RPS6KA2: variants seen among roughly 807,000 people sequenced by gnomAD.
The protein encoded by RPS6KA2 is ribosomal protein S6 kinase alpha-2.
A neutral mutation model predicts 91.8 loss-of-function variants in RPS6KA2; 42 were observed. That is an observed-to-expected ratio of 0.46 (90% CI 0.36 to 0.59). The LOEUF (loss-of-function observed/expected upper bound fraction) is 0.59. Among genes scored for constraint, RPS6KA2 ranks in the 20% least tolerant of loss-of-function variants. The probability of loss-of-function intolerance (pLI) is 0.00; values close to 1 mark genes in which losing one functional copy is unlikely to be tolerated. For synonymous variants in RPS6KA2, 414 were observed against 393.6 expected, an observed-to-expected ratio of 1.05 and a Z score of -0.61; for missense variants, 798 against 978.5, an observed-to-expected ratio of 0.82 and a Z score of 2.46.
chr6:166,652,072 AGATAT>A (rs1227482155), intron 2 of RPS6KA2, among the ~76,000 whole-genome samples: 1 of 152,264 alleles, frequency 6.6e-6, no homozygotes, highest in East Asian at 1.9e-4. Context: ...ATGTTAAAAT[AGATAT>A]GATGAGAATA....
chr6:166,663,957 C>T (rs1267326196), intron 2 of RPS6KA2, among the ~76,000 whole-genome samples: 1 of 152,222 alleles, frequency 6.6e-6, no homozygotes, highest in African/African-American at 2.4e-5. Context: ...CTTGAGATGT[C>T]TCTGTTTTAT....
intron 3 of RPS6KA2, among the ~76,000 whole-genome samples, chr6:166,519,946 G>A (rs1782792711): frequency 6.6e-6 from 1 of 152,168 alleles, no homozygotes; most frequent in Admixed American, 6.5e-5. Context: ...GGGTGTGTGT[G>A]TGAGGGCGTT....
chr6:166,586,202 C>T lies in RPS6KA2; in HGVS notation c.99+40719G>A, dbSNP rs1334920731. On this transcript the variant is annotated intron_variant, in intron 1 of 20. Coordinates refer to ENST00000265678, the MANE Select transcript of RPS6KA2 (RefSeq NM_021135.6). The stretch of plus-strand genomic sequence containing the variant: ...GATAGTAAGGTTCTTGTCTGTGTTG[C>T]GGGTAGTTGTTACCCCAGGATCGTC... 512 of 1,586,656 alleles carry T rather than the reference C, an allele frequency of 3.2e-4. 3 individuals carry two copies. The highest frequency in any genetic ancestry group is 4.1e-4 in the Non-Finnish European group (485 of 1,177,490).
chr6:166,506,385 C>T (rs1782226785), intron 5 of RPS6KA2, among the ~76,000 whole-genome samples: 1 of 152,174 alleles, frequency 6.6e-6, no homozygotes, highest in Admixed American at 6.5e-5. Context: ...ATAGCAGCTG[C>T]TGGACAAAAC....
intron 2 of RPS6KA2, among the ~76,000 whole-genome samples, chr6:166,856,853 T>C (rs1056575323): frequency 3.3e-5 from 5 of 152,186 alleles, no homozygotes; most frequent in Non-Finnish European, 7.3e-5. Context: ...CTGCCTACCT[T>C]TTGATCATCA....
intron 10 of RPS6KA2, among the ~76,000 whole-genome samples, chr6:166,478,924 G>A (rs1781083149): frequency 6.6e-6 from 1 of 152,218 alleles, no homozygotes; most frequent in African/African-American, 2.4e-5. Flanking sequence ...AGCACAGAGA[G>A]GTGAAGCCAT....
intron 2 of RPS6KA2, among the ~76,000 whole-genome samples, chr6:166,656,963 G>C (rs952562500): frequency 1.3e-5 from 2 of 152,244 alleles, no homozygotes; most frequent in Non-Finnish European, 2.9e-5. Flanking sequence ...CTCTGTCCTT[G>C]GGGCCCCAAG....
Position 166,748,393 on chromosome 6 carries a change from G to A in RPS6KA2, c.123+109807C>T, listed in dbSNP as rs968943809. Among the ~76,000 whole-genome samples the A allele has an allele frequency of 1.4e-4, 22 of 152,236 alleles. No homozygotes were observed. In the East Asian group the frequency reaches 3.3e-3, roughly 23 times the overall value. On this transcript the variant is annotated intron_variant, in intron 2 of 21. Coordinates refer to the RPS6KA2 transcript ENST00000503859. ...GTCTTCCACCGGCAGAAACTCCACC[G>A]AGTGCCTCAGCGAAATGACTCCATC...
At chr6:166,580,959 T>C (rs886624308) in intron 1 of RPS6KA2, among the ~76,000 whole-genome samples, 1 of 152,218 alleles carries the variant, frequency 6.6e-6, no homozygotes, top group Non-Finnish European at 1.5e-5. Context: ...TGGAATGCAG[T>C]GGCGCAATCT....
intron 2 of RPS6KA2, among the ~76,000 whole-genome samples, chr6:166,813,731 G>A (rs551931385): frequency 1.3e-5 from 2 of 152,330 alleles, no homozygotes; most frequent in East Asian, 3.9e-4. Flanking sequence ...GTCCGTATCT[G>A]TGTCTCTTCT....
At chr6:166,523,248 G>A (rs907375760) in intron 3 of RPS6KA2, among the ~76,000 whole-genome samples, 5 of 152,196 alleles carry the variant, frequency 3.3e-5, no homozygotes, top group African/African-American at 1.2e-4. Context: ...AAGGGCTTGA[G>A]AAAGACAGAA....
chr6:166,741,947 T>A (rs1790829229), intron 2 of RPS6KA2, among the ~76,000 whole-genome samples: 1 of 152,086 alleles, frequency 6.6e-6, no homozygotes, highest in Admixed American at 6.5e-5. Context: ...GCCAACATAG[T>A]GAAACCCCCG....
rs1009951294 is a variant in RPS6KA2 at position 166,639,106 on chromosome 6, G to A, written c.124-100322C>T. ...CATAAGGTGCTCAATGGAGTTATTC[G>A]TAGAAATCCTAGAGTTTCACACAGA... On this transcript the variant is annotated intron_variant, in intron 2 of 21. Transcript: ENST00000503859. This position sits in a 1 kb window ranked among gnomAD's most constrained non-coding sequence, Gnocchi z 4.2. Among the ~76,000 whole-genome samples, 4 of 152,270 alleles carry A rather than the reference G, an allele frequency of 2.6e-5. No individual in the cohort carries two copies. Among genetic ancestry groups the A allele is most frequent in the South Asian group, 4.1e-4 (2 of 4,830 alleles).
At chr6:166,775,583 C>A (rs1200523010) in intron 2 of RPS6KA2, among the ~76,000 whole-genome samples, 1 of 152,238 alleles carries the variant, frequency 6.6e-6, no homozygotes, top group Non-Finnish European at 1.5e-5. Context: ...CCCCGACTCT[C>A]CCTCCGCTGG....
chr6:166,456,436 T>G (rs1780109285), intron 12 of RPS6KA2, among the ~76,000 whole-genome samples: 1 of 152,226 alleles, frequency 6.6e-6, no homozygotes, highest in African/African-American at 2.4e-5. Flanking sequence ...CAACCTCTCA[T>G]GGTCCTGTGG....
chr6:166,517,597 T>A (rs1782703120), intron 3 of RPS6KA2, among the ~76,000 whole-genome samples: 1 of 150,080 alleles, frequency 6.7e-6, no homozygotes, highest in Admixed American at 6.6e-5. Flanking sequence ...TGCCTCAGCC[T>A]CCCGAGTAGC....
At chr6:166,570,263 G>C (rs533019424) in intron 1 of RPS6KA2, among the ~76,000 whole-genome samples, 2 of 152,254 alleles carry the variant, frequency 1.3e-5, no homozygotes, top group East Asian at 3.9e-4. Context: ...GCAGCACCCC[G>C]GTATGGAGAA....
rs919116357 is a variant in RPS6KA2, at chr6:166,448,040, G to C, written c.1332+684C>G. Among the ~76,000 whole-genome samples, 1 of 152,148 alleles carries C rather than the reference G, an allele frequency of 6.6e-6. No homozygotes were observed. The highest frequency in any genetic ancestry group is 1.5e-5 in the Non-Finnish European group (1 of 68,026). ...ACTAACCAAAAATCTCTAGAAACTG[G>C]TATTCTGGATTCCCAGATCAAATAT... On this transcript the variant is annotated intron_variant, in intron 14 of 20. Transcript: ENST00000265678. This position sits in a 1 kb window ranked among gnomAD's most constrained non-coding sequence, Gnocchi z 4.7.
intron 13 of RPS6KA2, among the ~76,000 whole-genome samples, chr6:166,450,783 ACCATGGGAGTAT>A (rs1779884302): frequency 6.6e-6 from 1 of 151,176 alleles, no homozygotes; most frequent in Non-Finnish European, 1.5e-5. Flanking sequence ...ACAGGAGGCC[ACCATGGGAGTAT>A]CCATGGGGAC....
Sources: gnomAD v4.1 joint callset for allele counts (sites outside exome capture counted in the v4.1 genomes callset) on GRCh38, gnomAD v4.1.1 for gene constraint, Gnocchi (gnomAD v3.1) non-coding constraint, MANE v1.5 for transcripts, NCBI Gene and HGNC (gene_info 2026-07-23, HGNC 2026-07-21) for gene names.